The following SUN2 variants were observed in gnomAD, a reference collection of about 807,000 sequenced individuals.
SUN2 encodes SUN domain-containing protein 2.
A neutral mutation model predicts 100.0 loss-of-function variants in SUN2; 60 were observed. The observed-to-expected ratio is 0.60, with a 90% CI of 0.49 to 0.74. The LOEUF (loss-of-function observed/expected upper bound fraction) is 0.74. Ranked by LOEUF, SUN2 falls within the 30% of genes least tolerant of loss-of-function variation. The pLI is 0.00. For missense variants in SUN2, 834 were observed against 954.6 expected (o/e 0.87, Z 1.66); for synonymous variants, 367 against 403.3 (o/e 0.91, Z 1.08).
Position 38,751,324 on chromosome 22 carries a change from G to A in SUN2, c.172C>T (p.Gln58Ter). The A allele has an allele frequency of 1.4e-5, 22 of 1,614,082 alleles. No homozygotes were observed. Among genetic ancestry groups the A allele is most frequent in the Non-Finnish European group, 1.9e-5 (22 of 1,180,010 alleles). ...SNMKRLSPAPQLGPSSDAHTS... is the reference protein window; with the variant it reads ...SNMKRLSPAP ...TGTGCATCAGAGGACGGGCCCAGCT[G>A]TGGCGCTGGGGACAGGCGCTTCATG... is the stretch of plus-strand genomic sequence containing the variant. Residue 58 changes from glutamine (Q) to a stop codon, truncating the protein, a stop_gained, in exon 3 of 18, where the codon CAG (glutamine) becomes TAG (stop). Transcript: ENST00000689035. LOFTEE classifies it high-confidence loss of function.
In SUN2 at chr22:38,739,392, C is replaced by T. The variant is rs539760038; in HGVS notation, c.1613G>A (p.Arg538His). ...VHHIVKQALQ[R>H]YSEDRIGLAD... is the part of the protein sequence containing the mutation. ...CAGCCCGATGCGGTCCTCACTGTAG[C>T]GCTGCAGGGCCTGCTTCACGATGTG... Residue 538 changes from arginine (R) to histidine (H), a missense_variant, in exon 14 of 18, where the codon CGC (arginine) becomes CAC (histidine). Transcript: ENST00000689035. This position sits in a 1 kb window ranked among gnomAD's most constrained non-coding sequence, Gnocchi z 6.7. 2.4e-5 allele frequency: 38 copies of T among 1,613,172 alleles called. No individual in the cohort carries two copies. Among genetic ancestry groups the T allele is most frequent in the African/African-American group, 6.7e-5 (5 of 75,058 alleles).
intron 8 of SUN2, among the ~76,000 whole-genome samples, chr22:38,744,596 GAAT>G (rs2092888526): frequency 6.6e-6 from 1 of 152,182 alleles, no homozygotes. Flanking sequence ...ATTTTTAAAT[GAAT>G]AATAAAAATG....
rs2092857840 is a variant in SUN2, at chr22:38,741,529, C to G, written c.1111G>C (p.Glu371Gln). ...ALRAEHQQDS[E>Q]DLFKKIVRAS... The stretch of plus-strand genomic sequence containing the variant: ...CGGACGATCTTCTTGAAGAGGTCTT[C>G]TGAGTCTTGCTGATGCTCTGCTCTC... The change falls in exon 10 of 18, where the codon GAA (glutamate) becomes CAA (glutamine). Residue 371 changes from glutamate (E) to glutamine (Q), a missense_variant. This residue lies in a region of SUN2 where 559 missense variants were observed against 597.7 expected (regional missense o/e 0.94). Transcript: ENST00000689035. 6.2e-7 allele frequency: 1 copy of G among 1,613,982 alleles called. No homozygotes were observed. The highest frequency in any genetic ancestry group is 8.5e-7 in the Non-Finnish European group (1 of 1,180,028).
chr22:38,739,604 C>T lies in SUN2; in HGVS notation c.1578+118G>A, dbSNP rs887924976. On this transcript the variant is annotated intron_variant, in intron 13 of 17. Transcript: ENST00000689035. This position sits in a 1 kb window ranked among gnomAD's most constrained non-coding sequence, Gnocchi z 6.7. ...ATGCCAGCCCCACAGCATGCAAAGCCTCCTGCTTGGCACTTCCATCCTGGA... is the reference window on the plus strand; with the variant it reads ...ATGCCAGCCCCACAGCATGCAAAGCTTCCTGCTTGGCACTTCCATCCTGGA... The T allele has an allele frequency of 5.9e-6, 8 of 1,350,696 alleles. No individual in the cohort carries two copies. The highest frequency in any genetic ancestry group is 7.2e-6 in the Non-Finnish European group (7 of 970,086). The allele number at this position is 1,350,696 out of a possible 1,614,324, so 83.7% of individuals were successfully genotyped here.
chr22:38,744,920 A>T (rs1035679580), intron 8 of SUN2, among the ~76,000 whole-genome samples: 1 of 152,208 alleles, frequency 6.6e-6, no homozygotes, highest in Non-Finnish European at 1.5e-5. Flanking sequence ...ACTCTGGCAG[A>T]TTATAAAAAT....
rs1391913757 is a variant in SUN2, at chr22:38,737,647, C to A, written c.2040+526G>T. On this transcript the variant is annotated intron_variant, in intron 17 of 17. Transcript: ENST00000689035. The surrounding 1 kb of genome is among the most constrained non-coding windows in gnomAD (Gnocchi z 4.1). Reference sequence around the variant, plus strand: ...GCCAACCCAATTCCTCACTCCAGGACTCCCCCGGTGTGGGGCTTAGGCCAA... The same window carrying A: ...GCCAACCCAATTCCTCACTCCAGGAATCCCCCGGTGTGGGGCTTAGGCCAA... The A allele has an allele frequency of 5.9e-6, 2 of 341,564 alleles. No individual in the cohort carries two copies. Among genetic ancestry groups the A allele is most frequent in the Non-Finnish European group, 1.2e-5 (2 of 173,248 alleles). The allele number at this position is 341,564 out of a possible 1,614,324, so 21.2% of individuals were successfully genotyped here. A position where few individuals can be genotyped will look rare whatever the true frequency, so the allele number is the denominator to read the frequency against.
In SUN2 at chr22:38,739,494, G is replaced by T; in HGVS notation, c.1579-68C>A. 3 of 1,555,226 alleles carry T rather than the reference G, an allele frequency of 1.9e-6. No individual in the cohort carries two copies. The highest frequency in any genetic ancestry group is 1.8e-6 in the Non-Finnish European group (2 of 1,134,086). On this transcript the variant is annotated intron_variant, in intron 13 of 17. Transcript: ENST00000689035. This position sits in a 1 kb window ranked among gnomAD's most constrained non-coding sequence, Gnocchi z 6.7. ...CGTGTCCCCCTGTCACCTCGTGGCC[G>T]TGGGCCAAGGACCCATGGGCTGACC...
rs916827778 is a variant in SUN2, at chr22:38,755,145, A to C, written c.-38+618T>G. ...AACATCTCCATCCATCTTCAGACTTAAACCAGATCTGGGGCATCTTCCTCG... is the reference window on the plus strand; with the variant it reads ...AACATCTCCATCCATCTTCAGACTTCAACCAGATCTGGGGCATCTTCCTCG... On this transcript the variant is annotated intron_variant, in intron 1 of 17. Coordinates refer to ENST00000689035, the MANE Select transcript of SUN2 (RefSeq NM_015374.3). This position sits in a 1 kb window ranked among gnomAD's most constrained non-coding sequence, Gnocchi z 5.7. 9.5e-7 allele frequency: 1 copy of C among 1,047,318 alleles called. No individual in the cohort carries two copies. Among genetic ancestry groups the C allele is most frequent in the Non-Finnish European group, 1.2e-6 (1 of 811,270 alleles). 64.9% of individuals were successfully genotyped at this position (1,047,318 alleles called of 1,614,324 possible). A position where few individuals can be genotyped will look rare whatever the true frequency, so the allele number is the denominator to read the frequency against.
rs2092801816 is a variant in SUN2, at chr22:38,736,044, C to T, written c.*223G>A. On this transcript the variant is annotated 3_prime_UTR_variant, in exon 18 of 18. Transcript: ENST00000689035. ...ACACTCCCAGGATGGGAAGCAGACG[C>T]CACGGGCACAGAGGGAAGGAAGAAG... 1 of 591,722 alleles carries T rather than the reference C, an allele frequency of 1.7e-6. No homozygotes were observed. The highest frequency in any genetic ancestry group is 3.1e-6 in the Non-Finnish European group (1 of 320,424). The allele number at this position is 591,722 out of a possible 1,614,324, so 36.7% of individuals were successfully genotyped here. A position where few individuals can be genotyped will look rare whatever the true frequency, so the allele number is the denominator to read the frequency against.
At chr22:38,748,809 G>A in intron 6 of SUN2, 26 bp from the exon 7 acceptor site, 1 of 1,613,746 alleles carries the variant, frequency 6.2e-7, no homozygotes, top group Non-Finnish European at 8.5e-7. Context: ...GGGCAGGACG[G>A]GGGAGGCGGA....
At chr22:38,748,523 A>G (rs1043888779) in intron 7 of SUN2, among the ~76,000 whole-genome samples, 190 bp downstream of exon 7, 1 of 152,176 alleles carries the variant, frequency 6.6e-6, no homozygotes, top group African/African-American at 2.4e-5. Context: ...GCTCCTGCCC[A>G]GGGCGGCACA....
rs2145936495 is a variant in SUN2, at chr22:38,738,668, T to C, written c.1866A>G (p.Thr622=). 2 of 1,613,956 alleles carry C rather than the reference T, an allele frequency of 1.2e-6. No individual in the cohort carries two copies. The highest frequency in any genetic ancestry group is 1.1e-5 in the South Asian group (1 of 91,086). ...TGGGCACATGCTCTAAGGTAACGGCTGTGGGGCGGATGCGGGCAGAGAGGC... is the reference window on the plus strand; with the variant it reads ...TGGGCACATGCTCTAAGGTAACGGCCGTGGGGCGGATGCGGGCAGAGAGGC... ...VVRLSARIRP[T]AVTLEHVPKA... Residue 622 remains threonine, a synonymous_variant, in exon 16 of 18, where the codon ACA becomes ACG. Transcript: ENST00000689035. The surrounding 1 kb of genome is among the most constrained non-coding windows in gnomAD (Gnocchi z 6.6).
chr22:38,754,743 C>T (rs1189467335), intron 1 of SUN2: 2 of 1,288,880 alleles, frequency 1.6e-6, no homozygotes, highest in African/African-American at 3.0e-5. Flanking sequence ...CATGTTTATA[C>T]CATACCCAAG....
Position 38,741,570 on chromosome 22 carries a change from T to A in SUN2, c.1070A>T (p.Glu357Val). ...CTCTGCTCTCAGGGCAGACAGTTCT[T>A]CCTGTGAGACGGGAGTGAGAGGACA... The part of the protein sequence containing the change: ...FRRETAARIQ[E>V]ELSALRAEHQ... Residue 357 changes from glutamate (E) to valine (V), a missense_variant and splice_region_variant, in exon 10 of 18, where the codon GAA becomes GTA. Glu to Val is a moderately radical substitution (Grantham distance 121). Around this residue, in one of 3 missense-constraint regions of SUN2, gnomAD observed 559 missense variants for 597.7 expected, o/e 0.94. Coordinates refer to ENST00000689035, the MANE Select transcript of SUN2 (RefSeq NM_015374.3). The A allele has an allele frequency of 6.2e-7, 1 of 1,614,004 alleles. No homozygotes were observed. The highest frequency in any genetic ancestry group is 8.5e-7 in the Non-Finnish European group (1 of 1,179,992).
At chr22:38,741,467 G>T (rs2092856888) in intron 10 of SUN2, 27 bp downstream of exon 10, 1 of 1,611,138 alleles carries the variant, frequency 6.2e-7, no homozygotes, top group South Asian at 1.1e-5. Context: ...CCCAGTCACA[G>T]GCCCTGAGTG....
Position 38,755,738 on chromosome 22 carries a change from C to G in SUN2, c.-38+25G>C. ...CAGGCCGGGCCGCGGCCCCCCAACC[C>G]TCTCCTGAGCTCGCCCGCACTCACC... is the stretch of plus-strand genomic sequence containing the variant. On this transcript the variant is annotated intron_variant, in intron 1 of 17. Coordinates refer to ENST00000689035, the MANE Select transcript of SUN2 (RefSeq NM_015374.3). This position sits in a 1 kb window ranked among gnomAD's most constrained non-coding sequence, Gnocchi z 5.7. 1.0e-6 allele frequency: 1 copy of G among 985,078 alleles called. No individual in the cohort carries two copies. Among genetic ancestry groups the G allele is most frequent in the African/African-American group, 1.7e-5 (1 of 57,288 alleles). 61.0% of individuals were successfully genotyped at this position (985,078 alleles called of 1,614,324 possible).
intron 9 of SUN2, 152 bp from the exon 10 acceptor site, chr22:38,741,723 T>G (rs1569297892): frequency 1.5e-6 from 1 of 682,174 alleles, no homozygotes; most frequent in East Asian, 2.7e-5. Flanking sequence ...AGACTCCCGC[T>G]TCAGCTCCAC....
Position 38,755,839 on chromosome 22 carries a change from G to A in SUN2, c.-114C>T. 1.0e-6 allele frequency: 1 copy of A among 983,174 alleles called. No homozygotes were observed. Among genetic ancestry groups the A allele is most frequent in the Non-Finnish European group, 1.2e-6 (1 of 829,098 alleles). 60.9% of individuals were successfully genotyped at this position (983,174 alleles called of 1,614,324 possible). ...CCGCCGGGGCGCGCCCCCTTTCCGCGTGGGGATCCCGCGGGCGGCGCTCCG... is the reference window on the plus strand; with the variant it reads ...CCGCCGGGGCGCGCCCCCTTTCCGCATGGGGATCCCGCGGGCGGCGCTCCG... On this transcript the variant is annotated 5_prime_UTR_variant, in exon 1 of 18. In the 5' UTR this introduces an upstream ATG that the reference lacks. Transcript: ENST00000689035. This position sits in a 1 kb window ranked among gnomAD's most constrained non-coding sequence, Gnocchi z 5.7.
Position 38,739,441 on chromosome 22 carries a change from C to G in SUN2, c.1579-15G>C. The G allele has an allele frequency of 6.2e-7, 1 of 1,612,638 alleles. No homozygotes were observed. Among genetic ancestry groups the G allele is most frequent in the South Asian group, 1.1e-5 (1 of 91,070 alleles). Reference sequence around the variant, plus strand: ...TGGTGCACCTGCTGCAATGCAGGCACCAGGAGACGGTTGCAGCAGGGAGCA... The same window carrying G: ...TGGTGCACCTGCTGCAATGCAGGCAGCAGGAGACGGTTGCAGCAGGGAGCA... On this transcript the variant is annotated splice_polypyrimidine_tract_variant and intron_variant, in intron 13 of 17. Coordinates refer to ENST00000689035, the MANE Select transcript of SUN2 (RefSeq NM_015374.3). This position sits in a 1 kb window ranked among gnomAD's most constrained non-coding sequence, Gnocchi z 6.7.
Sources: gnomAD v4.1 joint callset for allele counts (sites outside exome capture counted in the v4.1 genomes callset) on GRCh38, gnomAD v4.1.1 for gene constraint, gnomAD v4.1.1 regional missense constraint, Gnocchi (gnomAD v3.1) non-coding constraint, MANE v1.5 for transcripts, NCBI Gene and HGNC (gene_info 2026-07-23, HGNC 2026-07-21) for gene names.